The following PDE4D variants were observed in gnomAD, a reference collection of about 807,000 sequenced individuals.
The protein encoded by PDE4D is phosphodiesterase 4D.
In PDE4D, 24 loss-of-function variants were observed where a neutral mutation model predicts 87.4. That is an observed-to-expected ratio of 0.27 (90% CI 0.20 to 0.39). PDE4D has a LOEUF of 0.39. Among genes scored for constraint, PDE4D ranks in the 10% least tolerant of loss-of-function variants. The pLI, the probability that PDE4D is intolerant of heterozygous loss-of-function variation, is 1.00. For missense variants in PDE4D, 714 were observed against 1,041.0 expected (o/e 0.69, Z 4.32); for synonymous variants, 384 against 383.2 (o/e 1.00, Z -0.02).
chr5:60,027,050 C>G (rs989998856), intron 2 of PDE4D, among the ~76,000 whole-genome samples: 1 of 152,106 alleles, frequency 6.6e-6, no homozygotes, highest in African/African-American at 2.4e-5. Context: ...CTCATTCCCC[C>G]GCCATTTTTT....
intron 1 of PDE4D, among the ~76,000 whole-genome samples, chr5:59,287,763 A>T (rs1767269774): frequency 6.6e-6 from 1 of 152,068 alleles, no homozygotes; most frequent in Admixed American, 6.6e-5. Flanking sequence ...ACAGACTGAG[A>T]CTGAATCTGT....
chr5:59,781,784 C>CAAAAAAAAAA lies in PDE4D; in HGVS notation c.455+111374_455+111383dup, dbSNP rs58613622. The stretch of plus-strand genomic sequence containing the variant: ...TGGGCGACAGAGCGACACTCCATCT[C>CAAAAAAAAAA]AAAAAAAAAAAAAAAAAAAAAAAAA... On this transcript the variant is annotated intron_variant, in intron 1 of 14. Coordinates refer to ENST00000340635, the MANE Select transcript of PDE4D (RefSeq NM_001104631.2). Among the ~76,000 whole-genome samples the CAAAAAAAAAA allele has an allele frequency of 3.3e-4, 13 of 39,896 alleles. 4 individuals carry two copies. Among genetic ancestry groups the CAAAAAAAAAA allele is most frequent in the Non-Finnish European group, 6.0e-4 (13 of 21,726 alleles). 26.2% of individuals were successfully genotyped at this position (39,896 alleles called of 152,430 possible).
At chr5:60,028,101 C>A (rs1407877460) in intron 2 of PDE4D, among the ~76,000 whole-genome samples, 1 of 152,194 alleles carries the variant, frequency 6.6e-6, no homozygotes, top group East Asian at 1.9e-4. Context: ...ACACCCCAGA[C>A]AACATAGACT....
At chr5:59,081,458 T>C (rs1351722351) in intron 5 of PDE4D, among the ~76,000 whole-genome samples, 5 of 145,656 alleles carry the variant, frequency 3.4e-5, no homozygotes, top group African/African-American at 1.3e-4. Flanking sequence ...AATATTAATT[T>C]GGACTTTAAA....
intron 1 of PDE4D, among the ~76,000 whole-genome samples, chr5:59,308,433 C>CA (rs1771864236): frequency 6.6e-6 from 1 of 152,056 alleles, no homozygotes; most frequent in Admixed American, 6.6e-5. Flanking sequence ...TTGGTAATGG[C>CA]AAATTTTCTC....
intron 1 of PDE4D, among the ~76,000 whole-genome samples, chr5:59,721,185 C>T (rs1755772836): frequency 6.6e-6 from 1 of 152,038 alleles, no homozygotes; most frequent in Non-Finnish European, 1.5e-5. Flanking sequence ...TTGTTATAGC[C>T]CAAACTGACC....
At chr5:60,311,815 G>A (rs991251699) in intron 1 of PDE4D, among the ~76,000 whole-genome samples, 2 of 152,180 alleles carry the variant, frequency 1.3e-5, no homozygotes, top group Non-Finnish European at 2.9e-5. Context: ...CTATCTTCAA[G>A]AGACCCATCT....
chr5:59,694,334 A>G (rs1487665389), intron 1 of PDE4D, among the ~76,000 whole-genome samples: 1 of 152,196 alleles, frequency 6.6e-6, no homozygotes, highest in Non-Finnish European at 1.5e-5. Flanking sequence ...TGGTTAGGTC[A>G]GCTTGAAGTG....
At position 60,152,663 on chromosome 5, in the gene PDE4D, A is replaced by C. The variant is rs867970154; in HGVS notation, c.42+32894T>G. Among the ~76,000 whole-genome samples the C allele has an allele frequency of 8.5e-3, 1,283 of 151,826 alleles. 23 individuals carry two copies. The highest frequency in any genetic ancestry group is 0.029 in the African/African-American group (1,208 of 41,402). ...GCAAGACTCTGTCTCAAAAAAAAAA[A>C]AAAAAAGAAAAAATTTTTACCAATG... On this transcript the variant is annotated intron_variant, in intron 2 of 16. Coordinates refer to the PDE4D transcript ENST00000502484.
At chr5:59,687,221 A>G (rs1005838436) in intron 1 of PDE4D, among the ~76,000 whole-genome samples, 1 of 152,018 alleles carries the variant, frequency 6.6e-6, no homozygotes, top group Non-Finnish European at 1.5e-5. Flanking sequence ...ATTACCCTCT[A>G]GTAGAATGCC....
intron 1 of PDE4D, among the ~76,000 whole-genome samples, chr5:59,747,503 G>A (rs1282912266): frequency 6.6e-6 from 1 of 152,128 alleles, no homozygotes; most frequent in African/African-American, 2.4e-5. Context: ...GCCTGAGGTG[G>A]CTCCTTAGTG....
chr5:60,315,172 A>G (rs929662823), intron 1 of PDE4D, among the ~76,000 whole-genome samples: 3 of 152,030 alleles, frequency 2.0e-5, no homozygotes, highest in African/African-American at 4.8e-5. Flanking sequence ...TTTCATGATC[A>G]CCATTCTAAC....
Position 59,799,553 on chromosome 5 carries a change from G to T in PDE4D, c.455+93615C>A, listed in dbSNP as rs180966660. On this transcript the variant is annotated intron_variant, in intron 1 of 14. Coordinates refer to ENST00000340635, the MANE Select transcript of PDE4D (RefSeq NM_001104631.2). ...TGGAAGAATCAGCAGTCATGGGGGG[G>T]CAGGAAATGGTTATAAGTGACTTTT... 3.5e-4 allele frequency among the ~76,000 whole-genome samples: 54 copies of T among 152,290 alleles called. No individual in the cohort carries two copies. In the Middle Eastern group the frequency reaches 0.01, roughly 29 times the overall value.
intron 1 of PDE4D, among the ~76,000 whole-genome samples, chr5:59,694,137 A>T (rs73758853): frequency 0.034 from 5,141 of 152,308 alleles, 294 homozygotes; most frequent in African/African-American, 0.12. Context: ...TCCATTTTCA[A>T]ATATCTTGGC....
At chr5:59,731,639 C>T (rs909004446) in intron 1 of PDE4D, among the ~76,000 whole-genome samples, 9 of 152,080 alleles carry the variant, frequency 5.9e-5, no homozygotes, top group African/African-American at 1.9e-4. Flanking sequence ...TAAAACATGG[C>T]CATTTTGAAG....
chr5:59,217,397 T>C (rs1751496378), intron 1 of PDE4D: 2 of 407,632 alleles, frequency 4.9e-6, no homozygotes, highest in Non-Finnish European at 9.7e-6. Flanking sequence ...CATTAATAAA[T>C]AGAGTTATGA....
intron 3 of PDE4D, among the ~76,000 whole-genome samples, chr5:59,911,875 T>C (rs925187320): frequency 6.6e-6 from 1 of 152,206 alleles, no homozygotes; most frequent in Admixed American, 6.5e-5. Flanking sequence ...ATGCACTTAG[T>C]TTCTATGACC....
chr5:59,016,364 T>TC (rs1753990476), intron 6 of PDE4D, among the ~76,000 whole-genome samples: 1 of 149,462 alleles, frequency 6.7e-6, no homozygotes, highest in Non-Finnish European at 1.5e-5. Context: ...TTTTTTTTTT[T>TC]CTGAGCCCTA....
rs115996167 is a variant in PDE4D at position 60,232,616 on chromosome 5, T to C, written c.-89-46929A>G. Among the ~76,000 whole-genome samples the C allele has an allele frequency of 1.8e-3, 277 of 151,982 alleles. 1 individual carries two copies. Among genetic ancestry groups the C allele is most frequent in the African/African-American group, 6.3e-3 (261 of 41,536 alleles). ...GCTATAGATGTTTCTCAATAACTTG[T>C]GTACTAAATTGAGTAAAGCAGGTTA... is the stretch of plus-strand genomic sequence containing the variant. On this transcript the variant is annotated intron_variant, in intron 1 of 16. Transcript: ENST00000502484.
Sources: allele counts gnomAD v4.1 joint callset (sites outside exome capture counted in the v4.1 genomes callset), GRCh38; gene constraint gnomAD v4.1.1; transcripts MANE v1.5; gene names NCBI Gene and HGNC (gene_info 2026-07-23, HGNC 2026-07-21).